NPAS3: variants seen among roughly 807,000 people sequenced by gnomAD.
The protein encoded by NPAS3 is neuronal PAS domain-containing protein 3.
NPAS3 carries 14 observed loss-of-function variants against 73.1 expected under a neutral mutation model. That is an observed-to-expected ratio of 0.19 (90% confidence interval 0.13 to 0.30). The LOEUF (loss-of-function observed/expected upper bound fraction) is 0.30. Ranked by LOEUF, NPAS3 falls within the 10% of genes least tolerant of loss-of-function variation. The probability of loss-of-function intolerance (pLI) is 1.00; values close to 1 mark genes in which losing one functional copy is unlikely to be tolerated. For synonymous variants in NPAS3, 620 were observed against 541.5 expected (o/e 1.14, Z -2.01); for missense variants, 1,096 against 1,250.0 (o/e 0.88, Z 1.86).
chr14:33,732,591 A>G (rs541900651), intron 6 of NPAS3, among the ~76,000 whole-genome samples: 3 of 152,310 alleles, frequency 2.0e-5, no homozygotes, highest in African/African-American at 7.2e-5. Flanking sequence ...AGAAATTGTC[A>G]TCAGAAACCA....
intron 3 of NPAS3, among the ~76,000 whole-genome samples, chr14:33,233,737 C>T (rs1380828731): frequency 6.6e-6 from 1 of 152,082 alleles, no homozygotes; most frequent in Non-Finnish European, 1.5e-5. Context: ...TGCAGGTGAC[C>T]TTGTTCCTAA....
intron 4 of NPAS3, among the ~76,000 whole-genome samples, chr14:33,451,383 C>T (rs568702871): frequency 6.6e-6 from 1 of 152,270 alleles, no homozygotes; most frequent in East Asian, 1.9e-4. Flanking sequence ...CTTGGCAAAG[C>T]CTGTGGACCT....
At chr14:33,404,030 G>C (rs766253606) in intron 4 of NPAS3, among the ~76,000 whole-genome samples, 8 of 152,190 alleles carry the variant, frequency 5.3e-5, no homozygotes, top group Admixed American at 1.3e-4. Context: ...CAGTAATCGT[G>C]ATGCACAGCG....
chr14:33,799,895 G>A (rs761436142), exon 12 of NPAS3: 1 of 1,614,076 alleles, frequency 6.2e-7, no homozygotes, highest in African/African-American at 1.3e-5. Flanking sequence ...CGACAGCGAC[G>A]ACAGCTTCGA....
chr14:33,752,506 G>A (rs764514821), intron 7 of NPAS3, among the ~76,000 whole-genome samples: 2 of 152,180 alleles, frequency 1.3e-5, no homozygotes, highest in Non-Finnish European at 1.5e-5. Context: ...TTGGGTTTGG[G>A]TGTTTGTTTG....
chr14:32,964,817 A>G (rs1395890244), intron 1 of NPAS3, among the ~76,000 whole-genome samples: 1 of 151,676 alleles, frequency 6.6e-6, no homozygotes, highest in Non-Finnish European at 1.5e-5. Flanking sequence ...CTCTACAAAA[A>G]AAAAAAAGAA....
intron 3 of NPAS3, among the ~76,000 whole-genome samples, chr14:33,246,014 A>G (rs1490857892): frequency 2.0e-5 from 3 of 151,950 alleles, no homozygotes; most frequent in Non-Finnish European, 4.4e-5. Flanking sequence ...CCCTTCAACA[A>G]CTTTATAGTT....
intron 2 of NPAS3, among the ~76,000 whole-genome samples, chr14:33,193,542 G>A (rs1302041244): frequency 1.3e-5 from 2 of 152,094 alleles, no homozygotes; most frequent in Non-Finnish European, 2.9e-5. Context: ...CATAGTGAGT[G>A]GAAGCAATTA....
At chr14:33,237,321 G>A (rs12433831) in intron 3 of NPAS3, among the ~76,000 whole-genome samples, 14 of 152,194 alleles carry the variant, frequency 9.2e-5, no homozygotes, top group Non-Finnish European at 8.8e-5. Flanking sequence ...AATTTGGAAT[G>A]CCATTTTTCT....
intron 2 of NPAS3, among the ~76,000 whole-genome samples, chr14:33,186,708 T>C (rs1447804139): frequency 1.3e-5 from 2 of 152,228 alleles, no homozygotes; most frequent in African/African-American, 4.8e-5. Flanking sequence ...CACTCCCTTA[T>C]CCCACACCTA....
chr14:33,498,805 G>C lies in NPAS3; in HGVS notation c.469-61316G>C, dbSNP rs191150818. 2.1e-3 allele frequency among the ~76,000 whole-genome samples: 325 copies of C among 152,070 alleles called. 1 individual carries two copies. The highest frequency in any genetic ancestry group is 3.8e-3 in the Non-Finnish European group (258 of 67,968). ...CCTATGTAACAAACTTGCATGTTCC[G>C]CACACGTATCCCAGAACTTAAAGTA... On this transcript the variant is annotated intron_variant, in intron 4 of 11. Coordinates refer to ENST00000356141, the Ensembl canonical transcript of NPAS3.
chr14:33,086,664 C>T (rs953445235), intron 2 of NPAS3, among the ~76,000 whole-genome samples: 1 of 152,102 alleles, frequency 6.6e-6, no homozygotes, highest in Non-Finnish European at 1.5e-5. Flanking sequence ...TTATTCTGAC[C>T]TAAAATGAAT....
rs186561387 is a variant in NPAS3, at chr14:33,610,161, G to T, written c.558+49951G>T. Among the ~76,000 whole-genome samples, 7 of 152,266 alleles carry T rather than the reference G, an allele frequency of 4.6e-5. No homozygotes were observed. The East Asian group carries it at 1.2e-3, about 25-fold the overall frequency. ...CTGGGAACCCAAAAGAGGAAGAAAT[G>T]AGTTTAAAGAATATAAATTCATTAA... On this transcript the variant is annotated intron_variant, in intron 5 of 11. Coordinates refer to ENST00000356141, the Ensembl canonical transcript of NPAS3.
upstream of NPAS3, among the ~76,000 whole-genome samples, chr14:32,937,340 G>T (rs930407838): frequency 1.3e-5 from 2 of 152,096 alleles, no homozygotes; most frequent in Non-Finnish European, 2.9e-5. Context: ...AGTCCGCCGC[G>T]GGAGTGACAG....
chr14:33,683,397 C>T (rs2059995224), intron 6 of NPAS3, among the ~76,000 whole-genome samples: 1 of 111,808 alleles, frequency 8.9e-6, no homozygotes, highest in Non-Finnish European at 1.7e-5. Flanking sequence ...CCAAGACAAG[C>T]TGTTAATTAT....
Position 33,667,230 on chromosome 14 carries a change from A to G in NPAS3, c.559-8981A>G, listed in dbSNP as rs1331802659. 2.6e-5 allele frequency among the ~76,000 whole-genome samples: 4 copies of G among 152,212 alleles called. No individual in the cohort carries two copies. The East Asian group carries it at 5.8e-4, about 22-fold the overall frequency. ...GCCACATTCCAAGCACTCAGTAGCA[A>G]CACCTGACTCGTGCCTTCCATATGG... On this transcript the variant is annotated intron_variant, in intron 5 of 11. Coordinates refer to ENST00000356141, the Ensembl canonical transcript of NPAS3.
At chr14:33,011,098 G>A (rs2039179579) in intron 1 of NPAS3, among the ~76,000 whole-genome samples, 2 of 152,186 alleles carry the variant, frequency 1.3e-5, no homozygotes, top group African/African-American at 4.8e-5. Flanking sequence ...GTTTGCAAAA[G>A]TGAAACTTGT....
chr14:33,299,607 G>A (rs978901948), intron 3 of NPAS3, among the ~76,000 whole-genome samples: 4 of 137,682 alleles, frequency 2.9e-5, no homozygotes, highest in East Asian at 2.1e-4. Flanking sequence ...TTTTTTTTGT[G>A]TGCTTAAGTC....
intron 3 of NPAS3, among the ~76,000 whole-genome samples, chr14:33,258,017 T>C (rs1214253757): frequency 6.6e-6 from 1 of 152,218 alleles, no homozygotes; most frequent in Non-Finnish European, 1.5e-5. Flanking sequence ...TTATTTTGGC[T>C]GACACTTCCG....
Sources: allele counts gnomAD v4.1 joint callset (sites outside exome capture counted in the v4.1 genomes callset), GRCh38; gene constraint gnomAD v4.1.1; transcripts MANE v1.5; gene names NCBI Gene and HGNC (gene_info 2026-07-23, HGNC 2026-07-21).